Variants in NAV1 observed in about 807,000 individuals in gnomAD.
The protein encoded by NAV1 is neuron navigator 1.
NAV1 carries 18 observed loss-of-function variants against 175.2 expected under a neutral mutation model. That is an observed-to-expected ratio of 0.10 (90% CI 0.07 to 0.15). The LOEUF (loss-of-function observed/expected upper bound fraction) is 0.15. Among genes scored for constraint, NAV1 ranks in the 10% least tolerant of loss-of-function variants. The pLI is 1.00. For missense variants in NAV1, 1,731 were observed against 2,436.6 expected, an observed-to-expected ratio of 0.71 and a Z score of 6.10; for synonymous variants, 897 against 978.7, an observed-to-expected ratio of 0.92 and a Z score of 1.56.
chr1:201,804,343 G>A, intron 16 of NAV1, 146 bp from the exon 21 acceptor site: 1 of 759,406 alleles, frequency 1.3e-6, no homozygotes, highest in Admixed American at 2.8e-5. Context: ...GACACGTCCT[G>A]CTCCTCTGTC....
intron 1 of NAV1, among the ~76,000 whole-genome samples, chr1:201,660,069 G>A (rs1669550139): frequency 6.6e-6 from 1 of 152,172 alleles, no homozygotes; most frequent in Non-Finnish European, 1.5e-5. Flanking sequence ...TGCTCCCACA[G>A]GGCCTTGATG....
chr1:201,539,752 A>C lies in NAV1; in HGVS notation c.-144+410A>C, dbSNP rs1464389729. On this transcript the variant is annotated intron_variant, in intron 1 of 33. Coordinates refer to the NAV1 transcript ENST00000685211. This position sits in a 1 kb window ranked among gnomAD's most constrained non-coding sequence, Gnocchi z 5.6. ...CACCCACACGGCAAGCACACACCCT[A>C]CCCGCACCTCTGCCTTTCGTTGAAG... Among the ~76,000 whole-genome samples the C allele has an allele frequency of 6.6e-6, 1 of 151,992 alleles. No homozygotes were observed. The highest frequency in any genetic ancestry group is 1.5e-5 in the Non-Finnish European group (1 of 67,986).
In NAV1 at chr1:201,539,661, A is replaced by T. The variant is rs566574067; in HGVS notation, c.-144+319A>T. Among the ~76,000 whole-genome samples, 1 of 152,248 alleles carries T rather than the reference A, an allele frequency of 6.6e-6. No homozygotes were observed. Among genetic ancestry groups the T allele is most frequent in the Admixed American group, 6.5e-5 (1 of 15,298 alleles). On this transcript the variant is annotated intron_variant, in intron 1 of 33. Transcript: ENST00000685211. This position sits in a 1 kb window ranked among gnomAD's most constrained non-coding sequence, Gnocchi z 5.6. Reference sequence around the variant, plus strand: ...TGAGCCTCAGTTTCCTTGTTGTGAAATACCCACAATTTAAAGTGCGTTGAG... The same window carrying T: ...TGAGCCTCAGTTTCCTTGTTGTGAATTACCCACAATTTAAAGTGCGTTGAG...
At chr1:201,559,115 C>T (rs7536246) in intron 1 of NAV1, among the ~76,000 whole-genome samples, 30,749 of 152,058 alleles carry the variant, frequency 0.2, 3,931 homozygotes, top group African/African-American at 0.33. Flanking sequence ...AAGGAGATAA[C>T]GCGTATAACA....
At chr1:201,686,128 G>A (rs1463688831) in intron 1 of NAV1, among the ~76,000 whole-genome samples, 2 of 152,142 alleles carry the variant, frequency 1.3e-5, no homozygotes, top group African/African-American at 4.8e-5. Flanking sequence ...CCGAGGGACA[G>A]CTGCCTGGCC....
chr1:201,660,201 G>C (rs564245977), intron 1 of NAV1, among the ~76,000 whole-genome samples: 2 of 152,202 alleles, frequency 1.3e-5, no homozygotes, highest in Admixed American at 1.3e-4. Context: ...TATTTGGGGT[G>C]GGGGAGCAGG....
Position 201,750,043 on chromosome 1 carries a change from A to T in NAV1, c.1227-30378A>T, listed in dbSNP as rs896028509. On this transcript the variant is annotated intron_variant, in intron 3 of 29. Coordinates refer to ENST00000367296, the Ensembl canonical transcript of NAV1. This position sits in a 1 kb window ranked among gnomAD's most constrained non-coding sequence, Gnocchi z 4.1. ...GTTGTTAAAATTTTGCTCCACCTTA[A>T]AGAAACTGACATTAGACTTGATAAT... Among the ~76,000 whole-genome samples, 1 of 152,220 alleles carries T rather than the reference A, an allele frequency of 6.6e-6. No individual in the cohort carries two copies. Among genetic ancestry groups the T allele is most frequent in the Non-Finnish European group, 1.5e-5 (1 of 68,042 alleles).
At chr1:201,821,939 C>T (rs1010315652) in exon 30 of NAV1, 10 of 152,444 alleles carry the variant, frequency 6.6e-5, no homozygotes, top group African/African-American at 2.4e-4. Flanking sequence ...AAGACTTTAT[C>T]AGAATCTATA....
At chr1:201,819,737 G>T in intron 29 of NAV1, 100 bp from the exon 34 acceptor site, 1 of 974,112 alleles carries the variant, frequency 1.0e-6, no homozygotes, top group Non-Finnish European at 1.6e-6. Context: ...CTTCCACCTT[G>T]GCCTCCCAAA....
chr1:201,701,029 A>AAAAAAAG (rs1553255900), intron 1 of NAV1, among the ~76,000 whole-genome samples: 4 of 148,526 alleles, frequency 2.7e-5, no homozygotes, highest in Non-Finnish European at 6.0e-5. Context: ...AAAAAAAAAA[A>AAAAAAAG]AAAGAAAGAA....
In NAV1 at chr1:201,718,505, C is replaced by G; in HGVS notation, c.976C>G (p.Gln326Glu). Residue 326 changes from glutamine to glutamate, a missense_variant, in exon 3 of 30, where the codon CAG (glutamine) becomes GAG (glutamate). By Grantham distance (29) the Gln-to-Glu change is conservative (BLOSUM62 2). Coordinates refer to ENST00000367296, the Ensembl canonical transcript of NAV1. This position sits in a 1 kb window ranked among gnomAD's most constrained non-coding sequence, Gnocchi z 4.8. ...CTATGGCCAGTCCAGTCCGCGGCTG[C>G]AGGCTGGTGACGCGCCCTCTGTGGG... 3.1e-6 allele frequency: 5 copies of G among 1,608,990 alleles called. No homozygotes were observed. The highest frequency in any genetic ancestry group is 4.2e-6 in the Non-Finnish European group (5 of 1,176,640).
At chr1:201,666,802 T>C (rs1427416479) in intron 1 of NAV1, among the ~76,000 whole-genome samples, 1 of 152,172 alleles carries the variant, frequency 6.6e-6, no homozygotes. Flanking sequence ...GCCTGCAGAT[T>C]CAAGGACTTG....
chr1:201,768,789 G>A (rs1365064881), intron 3 of NAV1, among the ~76,000 whole-genome samples: 4 of 152,040 alleles, frequency 2.6e-5, no homozygotes, highest in Non-Finnish European at 1.5e-5. Context: ...TTACCTATAA[G>A]ATTGGCAATT....
At chr1:201,624,591 C>T (rs1188475727) in intron 1 of NAV1, among the ~76,000 whole-genome samples, 1 of 151,942 alleles carries the variant, frequency 6.6e-6, no homozygotes, top group African/African-American at 2.4e-5. Context: ...CGTGATCCGC[C>T]CACCTCAGCC....
upstream of NAV1, among the ~76,000 whole-genome samples, chr1:201,622,583 A>G (rs1359402882): frequency 6.6e-6 from 1 of 152,180 alleles, no homozygotes; most frequent in Non-Finnish European, 1.5e-5. Flanking sequence ...AATGAAGCCC[A>G]TTTGTACAGC....
intron 1 of NAV1, among the ~76,000 whole-genome samples, chr1:201,687,005 A>G (rs1170162550): frequency 6.6e-6 from 1 of 152,254 alleles, no homozygotes; most frequent in Non-Finnish European, 1.5e-5. Flanking sequence ...ACCCATTAAC[A>G]GAAACCTTTC....
chr1:201,617,935 G>A (rs1357056947), upstream of NAV1, among the ~76,000 whole-genome samples: 1 of 152,168 alleles, frequency 6.6e-6, no homozygotes, highest in Non-Finnish European at 1.5e-5. Context: ...CAGAGGAAGG[G>A]AAACAGAGCC....
chr1:201,818,515 C>A (rs1228898019), intron 29 of NAV1, among the ~76,000 whole-genome samples: 2 of 145,544 alleles, frequency 1.4e-5, no homozygotes, highest in Non-Finnish European at 3.0e-5. Flanking sequence ...GGCGACAGAG[C>A]GAGACTCCCT....
In NAV1 at chr1:201,808,788, C is replaced by A. The variant is rs745600215; in HGVS notation, c.4124C>A (p.Pro1375His). 6 of 1,614,160 alleles carry A rather than the reference C, an allele frequency of 3.7e-6. No homozygotes were observed. The highest frequency in any genetic ancestry group is 5.1e-6 in the Non-Finnish European group (6 of 1,180,042). Residue 1375 changes from proline to histidine, a missense_variant, in exon 20 of 30, where the codon CCT becomes CAT. By Grantham distance (77) the Pro-to-His change is moderately conservative. Coordinates refer to ENST00000367296, the Ensembl canonical transcript of NAV1. The surrounding 1 kb of genome is among the most constrained non-coding windows in gnomAD (Gnocchi z 5.5). ...TCAGGCTCCACTCCAGGGCAGGTCC[C>A]TGGATCATCTGCATTATCTTCCCCA...
Sources: allele counts gnomAD v4.1 joint callset (sites outside exome capture counted in the v4.1 genomes callset), GRCh38; gene constraint gnomAD v4.1.1; non-coding constraint Gnocchi (gnomAD v3.1); transcripts MANE v1.5; gene names NCBI Gene and HGNC (gene_info 2026-07-23, HGNC 2026-07-21).